The following NFIA variants were observed in gnomAD, a reference collection of about 807,000 sequenced individuals.
The protein encoded by NFIA is nuclear factor 1 A-type.
NFIA carries 8 observed loss-of-function variants against 62.8 expected under a neutral mutation model. The ratio of observed to expected loss-of-function variants is 0.13; its 90% CI spans 0.07 to 0.23. NFIA has a LOEUF of 0.23. Among genes scored for constraint, NFIA ranks in the 10% least tolerant of loss-of-function variants. The probability of loss-of-function intolerance (pLI) is 1.00; values close to 1 mark genes in which losing one functional copy is unlikely to be tolerated. For missense variants in NFIA, 410 were observed against 642.1 expected (o/e 0.64, Z 3.91); for synonymous variants, 235 against 238.1 (o/e 0.99, Z 0.12).
At chr1:61,299,974 GGTTT>G (rs1659405029) in intron 3 of NFIA, among the ~76,000 whole-genome samples, 1 of 151,938 alleles carries the variant, frequency 6.6e-6, no homozygotes, top group African/African-American at 2.4e-5. Context: ...AATATCTGAG[GGTTT>G]GTGAGTATAT....
At chr1:61,177,084 C>T (rs377011614) in intron 2 of NFIA, among the ~76,000 whole-genome samples, 5 of 150,040 alleles carry the variant, frequency 3.3e-5, no homozygotes, top group South Asian at 2.1e-4. Context: ...CCAGCCTGGG[C>T]GACAGAGCGA....
At chr1:61,111,836 TA>T (rs1646698922) in intron 2 of NFIA, among the ~76,000 whole-genome samples, 1 of 152,114 alleles carries the variant, frequency 6.6e-6, no homozygotes, top group South Asian at 2.1e-4. Context: ...ACTTACAATA[TA>T]AAAAACCAAA....
chr1:61,082,067 G>A, upstream of NFIA: 1 of 1,541,606 alleles, frequency 6.5e-7, no homozygotes, highest in Non-Finnish European at 8.7e-7. Flanking sequence ...GGTCTGCAGC[G>A]GGGGTGGGGG....
Position 61,088,676 on chromosome 1 carries a change from A to G in NFIA, c.555A>G (p.Ala185=). 1 of 1,611,334 alleles carries G rather than the reference A, an allele frequency of 6.2e-7. No homozygotes were observed. Among genetic ancestry groups the G allele is most frequent in the Non-Finnish European group, 8.5e-7 (1 of 1,178,392 alleles). ...LDLYLAYFVH[A]ADSSQSESPS... is the part of the protein sequence containing the mutation. ...TATATTTGGCATACTTTGTGCATGC[A>G]GCAGGTAAGTGCGATGGTGAGAATT... Residue 185 remains alanine, a synonymous_variant, in exon 2 of 11, where the codon GCA becomes GCG. Transcript: ENST00000403491. The surrounding 1 kb of genome is among the most constrained non-coding windows in gnomAD (Gnocchi z 4.5).
upstream of NFIA, among the ~76,000 whole-genome samples, chr1:61,080,286 TAAAA>T (rs113530690): frequency 7.0e-6 from 1 of 143,104 alleles, no homozygotes; most frequent in African/African-American, 2.5e-5. Flanking sequence ...CTTCCCCCAT[TAAAA>T]AAAAAAAACA....
intron 10 of NFIA, chr1:61,439,472 T>A (rs1667482296): frequency 6.6e-6 from 1 of 151,396 alleles, no homozygotes; most frequent in Non-Finnish European, 1.5e-5. Flanking sequence ...ACAGGACGAG[T>A]ATTATGGGAA....
At chr1:61,190,731 A>G (rs953042465) in intron 2 of NFIA, among the ~76,000 whole-genome samples, 25 of 152,254 alleles carry the variant, frequency 1.6e-4, no homozygotes, top group African/African-American at 6.0e-4. Context: ...GTCCAGGAAT[A>G]TGAGTTGAAT....
intron 2 of NFIA, among the ~76,000 whole-genome samples, chr1:61,130,281 CTAGTGGTTTTTACGGCATCAGAGATACCA>C (rs1647051192): frequency 6.6e-6 from 1 of 151,962 alleles, no homozygotes; most frequent in Non-Finnish European, 1.5e-5. Context: ...ATCAGGGAGA[CTAGTGGTTTTTACGGCATCAGAGATACCA>C]AATGTACAAC....
intron 2 of NFIA, among the ~76,000 whole-genome samples, chr1:61,231,532 C>G (rs1557651118): frequency 6.6e-6 from 1 of 150,906 alleles, no homozygotes; most frequent in South Asian, 2.1e-4. Flanking sequence ...CAGATCCATT[C>G]AAAAAATATC....
chr1:61,407,249 G>T (rs1378312309), intron 9 of NFIA, among the ~76,000 whole-genome samples: 1 of 152,208 alleles, frequency 6.6e-6, no homozygotes, highest in African/African-American at 2.4e-5. Flanking sequence ...ATCAATGCTA[G>T]TAGCCCTGGC....
intron 2 of NFIA, chr1:61,248,864 G>A (rs1401566213): frequency 6.6e-6 from 1 of 152,180 alleles, no homozygotes; most frequent in African/African-American, 2.4e-5. Flanking sequence ...TAGCATTAAG[G>A]CTCTGATCTG....
intron 2 of NFIA, among the ~76,000 whole-genome samples, chr1:61,273,128 G>A (rs1460860787): frequency 6.6e-6 from 1 of 152,194 alleles, no homozygotes; most frequent in Non-Finnish European, 1.5e-5. Context: ...TCACCAGTGT[G>A]TCTGCTTTTC....
chr1:61,416,579 A>G (rs2474372), intron 9 of NFIA, among the ~76,000 whole-genome samples: 114,360 of 152,062 alleles, frequency 0.75, 44,077 homozygotes, highest in East Asian at 0.98. Flanking sequence ...GTACTATCTT[A>G]TAACATAATT....
intron 4 of NFIA, among the ~76,000 whole-genome samples, chr1:61,341,294 G>A (rs1183284052): frequency 2.6e-5 from 4 of 151,912 alleles, no homozygotes; most frequent in South Asian, 2.1e-4. Context: ...CTCGTGATCC[G>A]CCCGCCTCCA....
intron 2 of NFIA, among the ~76,000 whole-genome samples, chr1:61,166,141 T>C (rs952697345): frequency 8.5e-5 from 13 of 152,184 alleles, no homozygotes; most frequent in African/African-American, 2.9e-4. Flanking sequence ...TTTGTTTTAA[T>C]AGGGGACTCT....
intron 2 of NFIA, among the ~76,000 whole-genome samples, chr1:61,238,153 CT>C (rs982703550): frequency 2.6e-5 from 4 of 152,100 alleles, no homozygotes; most frequent in Admixed American, 6.5e-5. Flanking sequence ...GCTTTGTTAC[CT>C]TTTAGCTTCT....
At chr1:61,180,943 T>C (rs890780162) in intron 2 of NFIA, among the ~76,000 whole-genome samples, 8 of 152,202 alleles carry the variant, frequency 5.3e-5, no homozygotes, top group African/African-American at 1.9e-4. Flanking sequence ...GAAGTTAGCA[T>C]GGATTAGAGG....
chr1:61,251,305 T>A (rs1656024253), intron 2 of NFIA: 3 of 152,214 alleles, frequency 2.0e-5, no homozygotes, highest in African/African-American at 7.2e-5. Context: ...TGGGAAAACT[T>A]AAGTTTGGAG....
chr1:61,446,531 T>A (rs576070522), intron 10 of NFIA, among the ~76,000 whole-genome samples: 3 of 152,116 alleles, frequency 2.0e-5, no homozygotes, highest in Admixed American at 2.0e-4. Flanking sequence ...AGGGGAGAAT[T>A]AAAGAGGTAA....
Sources: gnomAD v4.1 joint callset for allele counts (sites outside exome capture counted in the v4.1 genomes callset) on GRCh38, gnomAD v4.1.1 for gene constraint, Gnocchi (gnomAD v3.1) non-coding constraint, MANE v1.5 for transcripts, NCBI Gene and HGNC (gene_info 2026-07-23, HGNC 2026-07-21) for gene names.